ZNF142: variants seen among roughly 807,000 people sequenced by gnomAD.
ZNF142 encodes the protein zinc finger protein 142 (clone pHZ-49).
A neutral mutation model predicts 132.1 loss-of-function variants in ZNF142; 96 were observed. The observed-to-expected ratio is 0.73, with a 90% CI of 0.62 to 0.86. ZNF142 has a LOEUF of 0.86. Ranked by LOEUF, ZNF142 falls within the 40% of genes least tolerant of loss-of-function variation. ZNF142 has a pLI of 0.00. For missense variants in ZNF142, 2,163 were observed against 2,336.2 expected, an observed-to-expected ratio of 0.93 and a Z score of 1.53; for synonymous variants, 842 against 890.1, an observed-to-expected ratio of 0.95 and a Z score of 0.96.
Position 218,644,499 on chromosome 2 carries a change from C to T in ZNF142, c.2617G>A (p.Ala873Thr). ...VNTGRQEGSE[A>T]PHGGDLGGSP... ...CCACCCAGGTCACCCCCATGGGGAG[C>T]CTCACTGCCCTCCTGTCTTCCAGTG... Residue 873 changes from alanine (A) to threonine (T), a missense_variant, in exon 9 of 11, where the codon GCT becomes ACT. Physicochemically the swap from Ala to Thr is moderately conservative, Grantham distance 58. Transcript: ENST00000411696. The surrounding 1 kb of genome is among the most constrained non-coding windows in gnomAD (Gnocchi z 4.6). 1 of 1,613,978 alleles carries T rather than the reference C, an allele frequency of 6.2e-7. No individual in the cohort carries two copies. The highest frequency in any genetic ancestry group is 8.5e-7 in the Non-Finnish European group (1 of 1,179,998).
At chr2:218,646,584 CTT>C (rs998254652) in intron 7 of ZNF142, among the ~76,000 whole-genome samples, 1 of 146,482 alleles carries the variant, frequency 6.8e-6, no homozygotes, top group Admixed American at 6.8e-5. Flanking sequence ...CCAAGCTTTT[CTT>C]TTTTTTTTTT....
intron 4 of ZNF142, among the ~76,000 whole-genome samples, chr2:218,652,622 GA>G (rs1938113409): frequency 6.6e-6 from 1 of 152,126 alleles, no homozygotes; most frequent in African/African-American, 2.4e-5. Context: ...ACTTCCAAAA[GA>G]AAATGACAAA....
chr2:218,640,398 G>C (rs1300636177), intron 10 of ZNF142, among the ~76,000 whole-genome samples: 1 of 152,168 alleles, frequency 6.6e-6, no homozygotes, highest in Non-Finnish European at 1.5e-5. Context: ...TTCTCAAGAG[G>C]GGAAAAATGA....
rs778223057 is a variant in ZNF142, at chr2:218,643,771, G to T, written c.3345C>A (p.Thr1115=). Reference sequence around the variant, plus strand: ...CACTTTCTGTGTCCTCTGAGGCCTGGGTACCTGGGAGCACAGGTTGCAGAG... The same window carrying T: ...CACTTTCTGTGTCCTCTGAGGCCTGTGTACCTGGGAGCACAGGTTGCAGAG... ...PIPLQPVLPG[T]QASEDTESGK... is the part of the protein sequence containing the mutation. Residue 1115 remains threonine (T), a synonymous_variant, in exon 9 of 11, where the codon ACC becomes ACA. Transcript: ENST00000411696. 13 of 1,611,562 alleles carry T rather than the reference G, an allele frequency of 8.1e-6. No individual in the cohort carries two copies. In the East Asian group the frequency reaches 2.9e-4, roughly 36 times the overall value.
chr2:218,642,885 T>C lies in ZNF142; in HGVS notation c.4231A>G (p.Arg1411Gly). The C allele has an allele frequency of 6.2e-7, 1 of 1,614,112 alleles. No individual in the cohort carries two copies. The highest frequency in any genetic ancestry group is 1.1e-5 in the South Asian group (1 of 91,086). Residue 1411 changes from arginine to glycine, a missense_variant, in exon 9 of 11, where the codon AGA becomes GGA. Arg to Gly is a moderately radical substitution (Grantham distance 125). Coordinates refer to ENST00000411696, the MANE Select transcript of ZNF142 (RefSeq NM_001379659.1). This position sits in a 1 kb window ranked among gnomAD's most constrained non-coding sequence, Gnocchi z 4.6. ...TGGTGAGCCTCTAACCGGTACCGTC[T>C]GGTGGTCGAAAAGTCACAGAAGGGG... The part of the protein sequence containing the change: ...QCPFCDFSTT[R>G]RYRLEAHQSR...
chr2:218,650,540 A>G lies in ZNF142; in HGVS notation c.881-14T>C. 6.4e-7 allele frequency: 1 copy of G among 1,550,804 alleles called. No individual in the cohort carries two copies. The highest frequency in any genetic ancestry group is 8.7e-7 in the Non-Finnish European group (1 of 1,151,594). On this transcript the variant is annotated splice_polypyrimidine_tract_variant and intron_variant, in intron 5 of 10. Coordinates refer to ENST00000411696, the MANE Select transcript of ZNF142 (RefSeq NM_001379659.1). ...GCAGTTTGGGAGCTGGAGATACATA[A>G]AACTTGATAAAGTCTACAGGAGCCA...
rs1697306130 is a variant in ZNF142, at chr2:218,642,563, C to T, written c.4553G>A (p.Gly1518Asp). The stretch of plus-strand genomic sequence containing the variant: ...GCCCTCAGTGGTCTCTGCAGGAGAG[C>T]CAGGGGCAGGCTGTGCAGGCTCGGG... ...RHPEPAQPAPGSPAETTEGPL... is the reference protein window; with the variant it reads ...RHPEPAQPAPDSPAETTEGPL... The change falls in exon 9 of 11, where the codon GGC becomes GAC. Residue 1518 changes from glycine to aspartate, a missense_variant. Physicochemically the swap from Gly to Asp is moderately conservative, Grantham distance 94. This residue lies in a region of ZNF142 where 809 missense variants were observed against 801.7 expected (regional missense o/e 1.01). Transcript: ENST00000411696. This position sits in a 1 kb window ranked among gnomAD's most constrained non-coding sequence, Gnocchi z 4.6. The T allele has an allele frequency of 1.2e-6, 2 of 1,612,928 alleles. No homozygotes were observed. Among genetic ancestry groups the T allele is most frequent in the Non-Finnish European group, 1.7e-6 (2 of 1,179,586 alleles).
chr2:218,635,628 C>T lies in ZNF142; in HGVS notation c.*2711G>A, dbSNP rs1288980328. 2.0e-5 allele frequency among the ~76,000 whole-genome samples: 3 copies of T among 152,136 alleles called. No homozygotes were observed. The highest frequency in any genetic ancestry group is 4.8e-5 in the African/African-American group (2 of 41,404). ...GATTACAGGTGTGAGCCACCGTGCC[C>T]GGCCTTTGGGTGCATTTTAAATTGC... On this transcript the variant is annotated 3_prime_UTR_variant, in exon 11 of 11. Coordinates refer to ENST00000411696, the MANE Select transcript of ZNF142 (RefSeq NM_001379659.1).
Position 218,642,934 on chromosome 2 carries a change from G to A in ZNF142, c.4182C>T (p.His1394=), listed in dbSNP as rs746233277. The change falls in exon 9 of 11, where the codon CAC becomes CAT. Residue 1394 remains histidine (H), a synonymous_variant. Transcript: ENST00000411696. This position sits in a 1 kb window ranked among gnomAD's most constrained non-coding sequence, Gnocchi z 4.6. The part of the protein sequence containing the change: ...RCMQQHRRLK[H]EGVKPHQCPF... ...GGCACTGATGGGGCTTCACCCCCTC[G>A]TGCTTGAGCCGCCGGTGCTGCTGCA... The A allele has an allele frequency of 2.1e-5, 34 of 1,613,458 alleles. 1 individual carries two copies. The Admixed American group carries it at 3.7e-4, about 17-fold the overall frequency.
In ZNF142 at chr2:218,656,247, T is replaced by C. The variant is rs1203822927; in HGVS notation, c.183A>G (p.Val61=). 3.1e-6 allele frequency: 5 copies of C among 1,613,662 alleles called. No individual in the cohort carries two copies. The highest frequency in any genetic ancestry group is 4.2e-6 in the Non-Finnish European group (5 of 1,179,762). ...PIPTEPGCLL[V]EATATEEGPG... ...GTCCCTCTTCAGTTGCTGTGGCCTC[T>C]ACCAGCAGGCAGCCTGGCTCAGTAG... Residue 61 remains valine, a synonymous_variant, in exon 4 of 11, where the codon GTA becomes GTG. Coordinates refer to ENST00000411696, the MANE Select transcript of ZNF142 (RefSeq NM_001379659.1).
rs1156637251 is a variant in ZNF142 at position 218,656,272 on chromosome 2, G to A, written c.158C>T (p.Pro53Leu). ...PCPSRDPAPI[P>L]TEPGCLLVEA... ...TACCAGCAGGCAGCCTGGCTCAGTA[G>A]GTATAGGTGCAGGGTCCCGGGAAGG... Residue 53 changes from proline to leucine, a missense_variant, in exon 4 of 11, where the codon CCT (proline) becomes CTT (leucine). By Grantham distance (98) the Pro-to-Leu change is moderately conservative. This residue lies in a region of ZNF142 where 195 missense variants were observed against 172.4 expected (regional missense o/e 1.13). Coordinates refer to ENST00000411696, the MANE Select transcript of ZNF142 (RefSeq NM_001379659.1). The A allele has an allele frequency of 2.5e-6, 4 of 1,613,526 alleles. No homozygotes were observed. Among genetic ancestry groups the A allele is most frequent in the East Asian group, 2.2e-5 (1 of 44,874 alleles).
chr2:218,651,597 C>G, intron 5 of ZNF142, 104 bp downstream of exon 5: 1 of 1,172,770 alleles, frequency 8.5e-7, no homozygotes, highest in South Asian at 1.5e-5. Flanking sequence ...TCTAGATTCT[C>G]TTATATTCAT....
intron 3 of ZNF142, among the ~76,000 whole-genome samples, chr2:218,657,308 C>G (rs1330302335): frequency 6.6e-6 from 1 of 152,356 alleles, no homozygotes; most frequent in African/African-American, 2.4e-5. Flanking sequence ...CATACCCTCA[C>G]AGCCTTTTGC....
At position 218,652,106 on chromosome 2, in the gene ZNF142, G is replaced by T; in HGVS notation, c.475C>A (p.Pro159Thr). ...TLPGPLQGQS[P>T]PVSPLSCPVC... Reference sequence around the variant, plus strand: ...GGGCATGATAGGGGGCTAACTGGCGGGCTCTGGCCCTGCAGAGGGCCAGGG... The same window carrying T: ...GGGCATGATAGGGGGCTAACTGGCGTGCTCTGGCCCTGCAGAGGGCCAGGG... Residue 159 changes from proline (P) to threonine (T), a missense_variant, in exon 5 of 11, where the codon CCG becomes ACG. Transcript: ENST00000411696. 2.2e-6 allele frequency: 1 copy of T among 449,308 alleles called. No individual in the cohort carries two copies. The highest frequency in any genetic ancestry group is 2.4e-5 in the Admixed American group (1 of 41,970). 27.8% of individuals were successfully genotyped at this position (449,308 alleles called of 1,614,324 possible). A position where few individuals can be genotyped will look rare whatever the true frequency, so the allele number is the denominator to read the frequency against.
In ZNF142 at chr2:218,633,359, C is replaced by A; in HGVS notation, c.*4980G>T. 2 of 703,620 alleles carry A rather than the reference C, an allele frequency of 2.8e-6. No individual in the cohort carries two copies. The highest frequency in any genetic ancestry group is 5.2e-6 in the Non-Finnish European group (2 of 385,368). The allele number at this position is 703,620 out of a possible 1,614,324, so 43.6% of individuals were successfully genotyped here. ...ACTGATCCCAGCAGTACATGCAGACCGCCTTTATTCCCATTCCCACCCCCA... is the reference window on the plus strand; with the variant it reads ...ACTGATCCCAGCAGTACATGCAGACAGCCTTTATTCCCATTCCCACCCCCA... On this transcript the variant is annotated 3_prime_UTR_variant, in exon 11 of 11. Transcript: ENST00000411696.
Position 218,644,174 on chromosome 2 carries a change from C to G in ZNF142, c.2942G>C (p.Gly981Ala). Residue 981 changes from glycine (G) to alanine (A), a missense_variant, in exon 9 of 11, where the codon GGA becomes GCA. Gly to Ala is a moderately conservative substitution (Grantham distance 60). Transcript: ENST00000411696. This position sits in a 1 kb window ranked among gnomAD's most constrained non-coding sequence, Gnocchi z 4.6. ...SLEEAPNNWV[G>A]TFKTTPPAET... ...AGCAGGTGGAGTTGTCTTGAAGGTTCCTACCCAGTTGTTAGGAGCCTCCTC... is the reference window on the plus strand; with the variant it reads ...AGCAGGTGGAGTTGTCTTGAAGGTTGCTACCCAGTTGTTAGGAGCCTCCTC... 1.2e-6 allele frequency: 2 copies of G among 1,614,106 alleles called. No homozygotes were observed. Among genetic ancestry groups the G allele is most frequent in the Non-Finnish European group, 1.7e-6 (2 of 1,180,000 alleles).
rs944125574 is a variant in ZNF142 at position 218,636,845 on chromosome 2, T to C, written c.*1494A>G. 23 of 532,788 alleles carry C rather than the reference T, an allele frequency of 4.3e-5. No homozygotes were observed. Among genetic ancestry groups the C allele is most frequent in the African/African-American group, 1.9e-4 (10 of 53,028 alleles). The allele number at this position is 532,788 out of a possible 1,614,324, so 33.0% of individuals were successfully genotyped here. The stretch of plus-strand genomic sequence containing the variant: ...TGTACTCTATACTGGAGTTCCCTTC[T>C]TCCTCTTGCTGTAGGCTCAATCCCA... On this transcript the variant is annotated 3_prime_UTR_variant, in exon 11 of 11. Coordinates refer to ENST00000411696, the MANE Select transcript of ZNF142 (RefSeq NM_001379659.1).
intron 10 of ZNF142, 28 bp downstream of exon 10, chr2:218,640,625 AAGGAACCCTTC>A: frequency 6.3e-7 from 1 of 1,594,644 alleles, no homozygotes; most frequent in Non-Finnish European, 8.6e-7. Context: ...CCAGGGAACA[AAGGAACCCTTC>A]AGGCCTGTCG....
At chr2:218,641,151 C>T (rs1697150569) in intron 9 of ZNF142, among the ~76,000 whole-genome samples, 1 of 152,016 alleles carries the variant, frequency 6.6e-6, no homozygotes, top group African/African-American at 2.4e-5. Context: ...GTTGCCCTGG[C>T]TGGTCTCAAA....
Sources: allele counts gnomAD v4.1 joint callset (sites outside exome capture counted in the v4.1 genomes callset), GRCh38; gene constraint gnomAD v4.1.1; regional missense constraint gnomAD v4.1.1; non-coding constraint Gnocchi (gnomAD v3.1); transcripts MANE v1.5; gene names NCBI Gene and HGNC (gene_info 2026-07-23, HGNC 2026-07-21).